Variants in SPAG17 observed in about 807,000 individuals in gnomAD.
SPAG17 encodes sperm associated antigen 17.
In SPAG17, 169 loss-of-function variants were observed where a neutral mutation model predicts 273.6. That is an observed-to-expected ratio of 0.62 (90% CI 0.55 to 0.70). The LOEUF (loss-of-function observed/expected upper bound fraction) is 0.70. Ranked by LOEUF, SPAG17 falls within the 30% of genes least tolerant of loss-of-function variation. The probability of loss-of-function intolerance (pLI) is 0.00; values close to 1 mark genes in which losing one functional copy is unlikely to be tolerated. For synonymous variants in SPAG17, 825 were observed against 873.2 expected (o/e 0.94, Z 0.97); for missense variants, 2,557 against 2,627.8 (o/e 0.97, Z 0.59).
In SPAG17 at chr1:118,074,604, C is replaced by G. The variant is rs192340526; in HGVS notation, c.2210-4G>C. The stretch of plus-strand genomic sequence containing the variant: ...ATCTCATTGTTTGTGGTCTGCTCTG[C>G]AAATCAAAGACACCAACATCCAGTT... On this transcript the variant is annotated splice_polypyrimidine_tract_variant and splice_region_variant and intron_variant, in intron 15 of 48. Transcript: ENST00000336338. 1.5e-5 allele frequency: 25 copies of G among 1,613,224 alleles called. No individual in the cohort carries two copies. Among genetic ancestry groups the G allele is most frequent in the Non-Finnish European group, 1.9e-5 (23 of 1,179,488 alleles).
Position 118,101,856 on chromosome 1 carries a change from G to A in SPAG17, c.518C>T (p.Pro173Leu). ...KAKSPKEKKAPSAKPAKGKGK... is the reference protein window; with the variant it reads ...KAKSPKEKKALSAKPAKGKGK... ...CTTTCCTTTGGCAGGCTTGGCACTT[G>A]GAGCCTTTTTCTCCTTGGGAGATTT... Residue 173 changes from proline (P) to leucine (L), a missense_variant, in exon 5 of 49, where the codon CCA (proline) becomes CTA (leucine). Physicochemically the swap from Pro to Leu is moderately conservative, Grantham distance 98. Transcript: ENST00000336338. The A allele has an allele frequency of 6.2e-7, 1 of 1,613,956 alleles. No homozygotes were observed. The highest frequency in any genetic ancestry group is 8.5e-7 in the Non-Finnish European group (1 of 1,179,940).
At chr1:118,129,479 T>C (rs1318303007) in intron 3 of SPAG17, among the ~76,000 whole-genome samples, 2 of 152,226 alleles carry the variant, frequency 1.3e-5, no homozygotes, top group African/African-American at 4.8e-5. Flanking sequence ...CCTCAGGTGA[T>C]TCTGATATAC....
chr1:117,974,456 G>A (rs150109152), intron 43 of SPAG17, among the ~76,000 whole-genome samples: 354 of 151,896 alleles, frequency 2.3e-3, no homozygotes, highest in African/African-American at 8.2e-3. Flanking sequence ...GATCTTCAAG[G>A]TTCCTTCTAT....
At chr1:118,156,325 A>G (rs1351514247) in intron 1 of SPAG17, among the ~76,000 whole-genome samples, 1 of 152,198 alleles carries the variant, frequency 6.6e-6, no homozygotes, top group African/African-American at 2.4e-5. Context: ...CTCTATACAT[A>G]AATATCTGTT....
In SPAG17 at chr1:118,040,802, A is replaced by G. The variant is rs756870621; in HGVS notation, c.3094T>C (p.Ser1032Pro). ...YNMGNIPTQI[S>P]GSNYYLYPSD... ...GGATACAGGTAGTAATTTGACCCTGAGATTTGAGTGGGTATATTTCCCATA... is the reference window on the plus strand; with the variant it reads ...GGATACAGGTAGTAATTTGACCCTGGGATTTGAGTGGGTATATTTCCCATA... The change falls in exon 22 of 49, where the codon TCA becomes CCA. Residue 1032 changes from serine (S) to proline (P), a missense_variant. By Grantham distance (74) the Ser-to-Pro change is moderately conservative. Coordinates refer to ENST00000336338, the MANE Select transcript of SPAG17 (RefSeq NM_206996.4). 1 of 1,601,278 alleles carries G rather than the reference A, an allele frequency of 6.2e-7. No homozygotes were observed. Among genetic ancestry groups the G allele is most frequent in the South Asian group, 1.1e-5 (1 of 90,812 alleles).
At chr1:117,955,502 A>G in intron 48 of SPAG17, 1 of 746,510 alleles carries the variant, frequency 1.3e-6, no homozygotes, top group Non-Finnish European at 2.0e-6. Flanking sequence ...AAAATAATTT[A>G]TAATGTTCTT....
At chr1:117,962,102 G>C (rs1653176778) in intron 48 of SPAG17, 1 of 151,510 alleles carries the variant, frequency 6.6e-6, no homozygotes, top group Non-Finnish European at 1.5e-5. Context: ...TTTTCCCGTA[G>C]CTTTGCCACC....
chr1:118,155,365 T>C (rs1659599553), intron 1 of SPAG17, among the ~76,000 whole-genome samples: 2 of 152,246 alleles, frequency 1.3e-5, no homozygotes, highest in South Asian at 4.1e-4. Flanking sequence ...CTCCAAATTT[T>C]ACTTAGGCAT....
chr1:118,083,359 A>G (rs1036667625), intron 13 of SPAG17, among the ~76,000 whole-genome samples: 1 of 152,146 alleles, frequency 6.6e-6, no homozygotes, highest in African/African-American at 2.4e-5. Context: ...GTGTGGAAAA[A>G]AGACTGTTGG....
intron 26 of SPAG17, 95 bp downstream of exon 26, chr1:118,028,179 G>A (rs1372248606): frequency 7.3e-7 from 1 of 1,378,616 alleles, no homozygotes; most frequent in Non-Finnish European, 1.0e-6. Context: ...TTATCAACAA[G>A]ATGTATGTTT....
chr1:117,985,608 G>A (rs148511196), intron 40 of SPAG17, among the ~76,000 whole-genome samples: 14 of 152,212 alleles, frequency 9.2e-5, no homozygotes, highest in East Asian at 3.9e-4. Flanking sequence ...CTTTTTTCAC[G>A]TTAGGAAAAT....
Position 118,151,356 on chromosome 1 carries a change from G to A in SPAG17, c.101C>T (p.Ala34Val), listed in dbSNP as rs779248015. The A allele has an allele frequency of 6.2e-7, 1 of 1,611,592 alleles. No individual in the cohort carries two copies. Among genetic ancestry groups the A allele is most frequent in the African/African-American group, 1.3e-5 (1 of 74,874 alleles). Residue 34 changes from alanine to valine, a missense_variant, in exon 2 of 49, where the codon GCC becomes GTC. Physicochemically the swap from Ala to Val is moderately conservative, Grantham distance 64. Transcript: ENST00000336338. ...AAQFNQNDWQ[A>V]SIAFVVGNQI... ...GTTCCCAACCACAAAAGCAATGGAG[G>A]CCTGCCAATCGTTCTATTAAAAATC...
At position 118,086,853 on chromosome 1, in the gene SPAG17, T is replaced by C; in HGVS notation, c.1497+18A>G. On this transcript the variant is annotated intron_variant, in intron 11 of 48. Coordinates refer to ENST00000336338, the MANE Select transcript of SPAG17 (RefSeq NM_206996.4). ...CTTTTCCAAAGCATGAAGACTCTGC[T>C]ATCTCAGGCTATCTGACCTTTTTCT... The C allele has an allele frequency of 6.2e-7, 1 of 1,614,204 alleles. No homozygotes were observed. Among genetic ancestry groups the C allele is most frequent in the Non-Finnish European group, 8.5e-7 (1 of 1,180,012 alleles).
At chr1:117,959,304 T>G (rs2101326671) in intron 48 of SPAG17, 1 of 1,610,600 alleles carries the variant, frequency 6.2e-7, no homozygotes, top group Non-Finnish European at 8.5e-7. Flanking sequence ...TGTTATCGGC[T>G]TCAATATGGC....
chr1:117,967,074 T>G (rs1452746814), intron 46 of SPAG17, among the ~76,000 whole-genome samples: 1 of 152,058 alleles, frequency 6.6e-6, no homozygotes, highest in Non-Finnish European at 1.5e-5. Context: ...CTCCTAATTG[T>G]GCTAGTTTTT....
At chr1:118,069,695 T>C (rs910629467) in intron 17 of SPAG17, among the ~76,000 whole-genome samples, 3 of 152,176 alleles carry the variant, frequency 2.0e-5, no homozygotes, top group African/African-American at 7.2e-5. Flanking sequence ...TTAGATAGTA[T>C]ATAACAGATG....
intron 17 of SPAG17, among the ~76,000 whole-genome samples, chr1:118,071,935 A>C (rs1196119157): frequency 1.3e-5 from 2 of 152,184 alleles, no homozygotes; most frequent in Admixed American, 6.5e-5. Flanking sequence ...AATTTCCCAA[A>C]ATATAAATAC....
Position 118,093,221 on chromosome 1 carries a change from G to A in SPAG17, c.1108C>T (p.Gln370Ter). ...RQHQHYLESMQLINVPQVVNE... is the reference protein window; with the variant it reads ...RQHQHYLESM ...ACCACTTGTGGAACATTAATAAGCT[G>A]CATGCTTTCCAAATAGTGCTGGTGC... The change falls in exon 8 of 49, where the codon CAG (glutamine) becomes TAG (stop). Residue 370 changes from glutamine to a stop codon, truncating the protein, a stop_gained. Transcript: ENST00000336338. LOFTEE classifies it high-confidence loss of function. 6.2e-7 allele frequency: 1 copy of A among 1,613,770 alleles called. No homozygotes were observed. The highest frequency in any genetic ancestry group is 8.5e-7 in the Non-Finnish European group (1 of 1,179,810).
At chr1:118,055,092 A>G (rs2101997815) in intron 19 of SPAG17, among the ~76,000 whole-genome samples, 1 of 152,200 alleles carries the variant, frequency 6.6e-6, no homozygotes, top group South Asian at 2.1e-4. Flanking sequence ...TCTTTCTAAA[A>G]GTCTATTTTA....
Sources: allele counts gnomAD v4.1 joint callset (sites outside exome capture counted in the v4.1 genomes callset), GRCh38; gene constraint gnomAD v4.1.1; transcripts MANE v1.5; gene names NCBI Gene and HGNC (gene_info 2026-07-23, HGNC 2026-07-21).